Variants in CDYL observed in about 807,000 individuals in gnomAD.
CDYL encodes chromodomain Y like.
A neutral mutation model predicts 47.3 loss-of-function variants in CDYL; 8 were observed. The observed-to-expected ratio is 0.17, with a 90% CI of 0.10 to 0.31. The LOEUF is 0.31. Ranked by LOEUF, CDYL falls within the 10% of genes least tolerant of loss-of-function variation. The pLI, the probability that CDYL is intolerant of heterozygous loss-of-function variation, is 1.00. For missense variants in CDYL, 471 were observed against 701.4 expected (o/e 0.67, Z 3.71); for synonymous variants, 266 against 265.0 (o/e 1.00, Z -0.04).
At chr6:4,807,895 C>T (rs1759417916) in intron 1 of CDYL, among the ~76,000 whole-genome samples, 1 of 152,092 alleles carries the variant, frequency 6.6e-6, no homozygotes, top group African/African-American at 2.4e-5. Flanking sequence ...GCATGAGCCA[C>T]CGCGCCGGGC....
In CDYL at chr6:4,751,077, G is replaced by A. The variant is rs2127419979; in HGVS notation, c.186+16233G>A. Among the ~76,000 whole-genome samples the A allele has an allele frequency of 2.0e-5, 3 of 151,962 alleles. No individual in the cohort carries two copies. In the East Asian group the frequency reaches 5.8e-4, roughly 29 times the overall value. On this transcript the variant is annotated intron_variant, in intron 3 of 8. Transcript: ENST00000328908. ...TCACCATGTTAGCCAGGATGGTCTCGATCTCCTGACCTCGTGATCCGCCCG... is the reference window on the plus strand; with the variant it reads ...TCACCATGTTAGCCAGGATGGTCTCAATCTCCTGACCTCGTGATCCGCCCG...
intron 2 of CDYL, among the ~76,000 whole-genome samples, chr6:4,901,733 T>C (rs533483078): frequency 6.6e-6 from 1 of 152,210 alleles, no homozygotes; most frequent in Non-Finnish European, 1.5e-5. Flanking sequence ...CTCAAGACTT[T>C]CGCTTCTGTG....
chr6:4,905,159 C>T (rs574436790), intron 2 of CDYL, among the ~76,000 whole-genome samples: 1 of 152,318 alleles, frequency 6.6e-6, no homozygotes, highest in African/African-American at 2.4e-5. Flanking sequence ...GTCCGTCTTA[C>T]TGAACCTGGG....
intron 2 of CDYL, among the ~76,000 whole-genome samples, chr6:4,717,211 T>C (rs1009953719): frequency 6.6e-6 from 1 of 152,070 alleles, no homozygotes; most frequent in Admixed American, 6.5e-5. Flanking sequence ...GGCAGGAGGA[T>C]CACTTCAGCC....
At chr6:4,811,230 A>G (rs1262821388) in intron 1 of CDYL, among the ~76,000 whole-genome samples, 2 of 152,262 alleles carry the variant, frequency 1.3e-5, no homozygotes, top group Non-Finnish European at 1.5e-5. Flanking sequence ...ATAGTAGACC[A>G]TGTAAAAACT....
intron 3 of CDYL, among the ~76,000 whole-genome samples, chr6:4,737,026 A>G (rs779432153): frequency 6.6e-6 from 1 of 152,288 alleles, no homozygotes; most frequent in Non-Finnish European, 1.5e-5. Flanking sequence ...TACCCGAGAA[A>G]CTGCTAACAG....
At chr6:4,706,826 G>C (rs6910449) in intron 1 of CDYL, among the ~76,000 whole-genome samples, 42,788 of 152,022 alleles carry the variant, frequency 0.28, 6,286 homozygotes, top group South Asian at 0.32. Flanking sequence ...GAGGAGCAGA[G>C]AGTGGCAAAG....
intron 1 of CDYL, among the ~76,000 whole-genome samples, chr6:4,874,081 ACT>A (rs1354748340): frequency 6.6e-6 from 1 of 151,730 alleles, no homozygotes; most frequent in Non-Finnish European, 1.5e-5. Flanking sequence ...CCACTCACAC[ACT>A]CTCAACAGTT....
intron 2 of CDYL, among the ~76,000 whole-genome samples, chr6:4,929,306 G>C (rs1473585493): frequency 6.6e-6 from 1 of 151,474 alleles, no homozygotes. Flanking sequence ...TGTAAGTATT[G>C]AGTTGATCTG....
chr6:4,827,498 C>G (rs1760011681), intron 1 of CDYL, among the ~76,000 whole-genome samples: 1 of 152,044 alleles, frequency 6.6e-6, no homozygotes, highest in Non-Finnish European at 1.5e-5. Context: ...TATGTAATAT[C>G]CACAATTGAT....
chr6:4,916,042 T>C (rs1220145690), intron 2 of CDYL, among the ~76,000 whole-genome samples: 1 of 152,022 alleles, frequency 6.6e-6, no homozygotes, highest in African/African-American at 2.4e-5. Context: ...CCTGCCTTCC[T>C]AGGCCAAACC....
chr6:4,771,575 T>A (rs1232393554), upstream of CDYL, among the ~76,000 whole-genome samples: 1 of 152,210 alleles, frequency 6.6e-6, no homozygotes, highest in Admixed American at 6.5e-5. Context: ...TTCCAACTCA[T>A]TTACACTTTG....
intron 1 of CDYL, among the ~76,000 whole-genome samples, chr6:4,840,674 T>C (rs530960494): frequency 5.3e-5 from 8 of 152,294 alleles, no homozygotes; most frequent in Non-Finnish European, 1.2e-4. Context: ...TTTATATTTT[T>C]AATTGTGTTT....
At chr6:4,907,770 T>G (rs190134908) in intron 2 of CDYL, among the ~76,000 whole-genome samples, 1 of 152,252 alleles carries the variant, frequency 6.6e-6, no homozygotes, top group African/African-American at 2.4e-5. Flanking sequence ...TTTATAAAAC[T>G]TAGCACATTG....
rs143425322 is a variant in CDYL, at chr6:4,883,494, C to A, written c.25-8219C>A. Among the ~76,000 whole-genome samples, 314 of 152,346 alleles carry A rather than the reference C, an allele frequency of 2.1e-3. 1 individual carries two copies. Among genetic ancestry groups the A allele is most frequent in the African/African-American group, 7.1e-3 (295 of 41,586 alleles). ...CTGCACCTGCCACACAGAACACCTGCTAGCACCTCTGGCTGTCTGCCCACC... is the reference window on the plus strand; with the variant it reads ...CTGCACCTGCCACACAGAACACCTGATAGCACCTCTGGCTGTCTGCCCACC... On this transcript the variant is annotated intron_variant, in intron 1 of 6. Coordinates refer to ENST00000397588, the MANE Select transcript of CDYL (RefSeq NM_004824.4).
intron 1 of CDYL, among the ~76,000 whole-genome samples, chr6:4,841,711 C>T (rs1443764382): frequency 6.6e-6 from 1 of 151,828 alleles, no homozygotes; most frequent in Non-Finnish European, 1.5e-5. Flanking sequence ...TTGAGGGTTC[C>T]TTTTTGGAGT....
chr6:4,765,199 G>A (rs1758233937), intron 3 of CDYL, among the ~76,000 whole-genome samples: 1 of 152,052 alleles, frequency 6.6e-6, no homozygotes, highest in Non-Finnish European at 1.5e-5. Flanking sequence ...GTGGGCACTT[G>A]TAATCCCAGC....
chr6:4,908,748 G>A (rs1204671711), intron 2 of CDYL, among the ~76,000 whole-genome samples: 1 of 152,132 alleles, frequency 6.6e-6, no homozygotes, highest in Non-Finnish European at 1.5e-5. Flanking sequence ...TAGCCCACAG[G>A]CAGTCCTTTG....
intron 2 of CDYL, among the ~76,000 whole-genome samples, chr6:4,925,885 T>C (rs547970495): frequency 6.6e-6 from 1 of 152,324 alleles, no homozygotes; most frequent in South Asian, 2.1e-4. Context: ...CGGCAGGAGC[T>C]ATTCTTAGAC....
Sources: allele counts gnomAD v4.1 joint callset (sites outside exome capture counted in the v4.1 genomes callset), GRCh38; gene constraint gnomAD v4.1.1; transcripts MANE v1.5; gene names NCBI Gene and HGNC (gene_info 2026-07-23, HGNC 2026-07-21).